Variants in SPATA16 observed in about 807,000 individuals in gnomAD.
SPATA16 encodes spermatogenesis-associated protein 16.
Under a neutral mutation model 63.3 loss-of-function variants are expected in SPATA16, and 36 were observed. The observed-to-expected ratio is 0.57, with a 90% CI of 0.44 to 0.75. SPATA16 has a LOEUF of 0.75. SPATA16 is among the 30% of genes least tolerant of loss of function. The pLI, the probability that SPATA16 is intolerant of heterozygous loss-of-function variation, is 0.00. For missense variants in SPATA16, 646 were observed against 679.3 expected (o/e 0.95, Z 0.54); for synonymous variants, 203 against 216.7 (o/e 0.94, Z 0.56).
chr3:172,901,248 G>A (rs1034867908), intron 10 of SPATA16, among the ~76,000 whole-genome samples: 8 of 152,100 alleles, frequency 5.3e-5, no homozygotes, highest in African/African-American at 1.9e-4. Context: ...TGCCCAGGCT[G>A]GAGTGCAATC....
chr3:173,034,360 C>G (rs1460601724), intron 3 of SPATA16, among the ~76,000 whole-genome samples: 6 of 151,906 alleles, frequency 3.9e-5, no homozygotes, highest in Admixed American at 3.9e-4. Flanking sequence ...CTTTTAGAGT[C>G]TGAAAATTAG....
chr3:172,984,945 A>G (rs1734411181), intron 4 of SPATA16, among the ~76,000 whole-genome samples: 1 of 152,208 alleles, frequency 6.6e-6, no homozygotes, highest in Admixed American at 6.5e-5. Flanking sequence ...AACTTGAAGA[A>G]GCTGAGGTTT....
chr3:173,014,486 A>C (rs778702750), intron 4 of SPATA16, among the ~76,000 whole-genome samples: 9 of 152,222 alleles, frequency 5.9e-5, no homozygotes, highest in Admixed American at 5.9e-4. Context: ...ACTGGGTACT[A>C]TGCTCACTAC....
chr3:173,019,494 C>T lies in SPATA16; in HGVS notation c.840G>A (p.Glu280=). Residue 280 remains glutamate, a synonymous_variant, in exon 4 of 11, where the codon GAG becomes GAA. Transcript: ENST00000351008. ...TVFRCLERYS[E]AARSAMIADY... ...AGTTAAAACAAACATACCGGGCAGC[C>T]TCTGAATACCTCTCCAGACATCTAA... 5 of 1,613,692 alleles carry T rather than the reference C, an allele frequency of 3.1e-6. No individual in the cohort carries two copies. Among genetic ancestry groups the T allele is most frequent in the East Asian group, 4.5e-5 (2 of 44,858 alleles).
intron 2 of SPATA16, among the ~76,000 whole-genome samples, chr3:173,101,352 A>G (rs1459821497): frequency 1.3e-5 from 2 of 152,140 alleles, no homozygotes; most frequent in African/African-American, 4.8e-5. Context: ...ATGTAAACAA[A>G]TTACTCCATA....
intron 5 of SPATA16, among the ~76,000 whole-genome samples, chr3:172,970,870 T>C (rs549402802): frequency 1.3e-5 from 2 of 152,302 alleles, no homozygotes; most frequent in East Asian, 3.9e-4. Context: ...GCCTGTAATT[T>C]CATGTTGAAG....
chr3:172,987,540 A>C (rs764847207), intron 4 of SPATA16, among the ~76,000 whole-genome samples: 1 of 152,246 alleles, frequency 6.6e-6, no homozygotes, highest in South Asian at 2.1e-4. Context: ...AATCTTGAAC[A>C]TGGATCCTGA....
At chr3:173,134,744 T>A (rs540970609) in intron 1 of SPATA16, among the ~76,000 whole-genome samples, 2 of 152,244 alleles carry the variant, frequency 1.3e-5, no homozygotes, top group African/African-American at 4.8e-5. Context: ...ACAGAATAAG[T>A]CAAAAACTAG....
At chr3:173,019,637 G>A in intron 3 of SPATA16, 62 bp from the exon 4 acceptor site, 4 of 1,434,236 alleles carry the variant, frequency 2.8e-6, no homozygotes, top group Non-Finnish European at 3.9e-6. Context: ...TACCACAAGT[G>A]CAATGGAATG....
chr3:172,896,411 T>C (rs190563957), intron 10 of SPATA16, among the ~76,000 whole-genome samples: 1 of 152,184 alleles, frequency 6.6e-6, no homozygotes, highest in Non-Finnish European at 1.5e-5. Context: ...TTAGTAGAGA[T>C]AGAGTTTCAT....
At position 173,126,619 on chromosome 3, in the gene SPATA16, G is replaced by A. The variant is rs9866221; in HGVS notation, c.-18-8870C>T. Among the ~76,000 whole-genome samples, 523 of 152,212 alleles carry A rather than the reference G, an allele frequency of 3.4e-3. 6 individuals are homozygous for A. The highest frequency in any genetic ancestry group is 0.012 in the African/African-American group (503 of 41,510). On this transcript the variant is annotated intron_variant, in intron 1 of 10. Transcript: ENST00000351008. ...TTTTTATAAAGTTCTTAATTCTTAG[G>A]CTTTCACGTTTGGTTTCTTAAACTA...
chr3:172,895,489 C>G (rs779181518), intron 10 of SPATA16, among the ~76,000 whole-genome samples: 3 of 152,068 alleles, frequency 2.0e-5, no homozygotes, highest in Non-Finnish European at 4.4e-5. Flanking sequence ...GCATGTGCCA[C>G]CACAGTAGGC....
chr3:173,067,394 G>A (rs1414418830), intron 2 of SPATA16, among the ~76,000 whole-genome samples: 1 of 152,122 alleles, frequency 6.6e-6, no homozygotes, highest in Non-Finnish European at 1.5e-5. Context: ...TAAACATTGA[G>A]TACACATGGA....
chr3:173,042,921 G>A (rs1305698321), intron 3 of SPATA16, among the ~76,000 whole-genome samples: 1 of 152,054 alleles, frequency 6.6e-6, no homozygotes, highest in Non-Finnish European at 1.5e-5. Context: ...TTTTAATTGA[G>A]TCTTATTTTC....
intron 6 of SPATA16, among the ~76,000 whole-genome samples, chr3:172,942,756 GTA>G: frequency 6.6e-6 from 1 of 152,124 alleles, no homozygotes; most frequent in South Asian, 2.1e-4. Context: ...AGCACAAATG[GTA>G]TATTAATGAC....
At chr3:173,040,122 C>T (rs1385716141) in intron 3 of SPATA16, among the ~76,000 whole-genome samples, 1 of 152,106 alleles carries the variant, frequency 6.6e-6, no homozygotes, top group Non-Finnish European at 1.5e-5. Flanking sequence ...TCTTCTTCCT[C>T]CTCCTTTACT....
chr3:172,910,579 T>A (rs1732348695), intron 10 of SPATA16, among the ~76,000 whole-genome samples: 2 of 151,894 alleles, frequency 1.3e-5, no homozygotes, highest in Non-Finnish European at 2.9e-5. Flanking sequence ...CAGACTGTAG[T>A]TTGTTGACCC....
rs144356929 is a variant in SPATA16 at position 173,030,902 on chromosome 3, A to G, written c.759-11327T>C. 1.3e-3 allele frequency among the ~76,000 whole-genome samples: 196 copies of G among 152,232 alleles called. 2 individuals are homozygous for G. The highest frequency in any genetic ancestry group is 2.7e-3 in the Non-Finnish European group (181 of 67,970). On this transcript the variant is annotated intron_variant, in intron 3 of 10. Coordinates refer to ENST00000351008, the MANE Select transcript of SPATA16 (RefSeq NM_031955.6). ...CAATGGAATACTCTTCAGACTTAAAAAGCAAGAAAATTAAGACACATGCTA... is the reference window on the plus strand; with the variant it reads ...CAATGGAATACTCTTCAGACTTAAAGAGCAAGAAAATTAAGACACATGCTA...
intron 2 of SPATA16, among the ~76,000 whole-genome samples, chr3:173,087,882 G>A (rs961721108): frequency 3.9e-5 from 6 of 152,020 alleles, no homozygotes; most frequent in Non-Finnish European, 5.9e-5. Context: ...GGGTTTCCAC[G>A]GAGAGGTCTG....
Sources: allele counts gnomAD v4.1 joint callset (sites outside exome capture counted in the v4.1 genomes callset), GRCh38; gene constraint gnomAD v4.1.1; transcripts MANE v1.5; gene names NCBI Gene and HGNC (gene_info 2026-07-23, HGNC 2026-07-21).